Variants in ATXN7L1 observed in about 807,000 individuals in gnomAD.
The protein encoded by ATXN7L1 is ataxin 7 like 1.
In ATXN7L1, 15 loss-of-function variants were observed where a neutral mutation model predicts 70.8. That is an observed-to-expected ratio of 0.21 (90% CI 0.14 to 0.33). ATXN7L1 has a LOEUF of 0.33. Ranked by LOEUF, ATXN7L1 falls within the 10% of genes least tolerant of loss-of-function variation. ATXN7L1 has a pLI of 1.00. For missense variants in ATXN7L1, 975 were observed against 1,097.1 expected (o/e 0.89, Z 1.57); for synonymous variants, 440 against 445.1 (o/e 0.99, Z 0.14).
chr7:105,790,606 T>TTAAC (rs1805007627), intron 2 of ATXN7L1, among the ~76,000 whole-genome samples: 2 of 133,560 alleles, frequency 1.5e-5, no homozygotes, highest in African/African-American at 2.9e-5. Flanking sequence ...AAGAAAAAAA[T>TTAAC]TATCTATCTA....
At chr7:105,663,260 C>A (rs1244314340) in intron 4 of ATXN7L1, among the ~76,000 whole-genome samples, 1 of 152,208 alleles carries the variant, frequency 6.6e-6, no homozygotes, top group Admixed American at 6.5e-5. Context: ...GACCCGCAAT[C>A]CCAACAACCC....
At chr7:105,669,953 G>A (rs902706718) in intron 3 of ATXN7L1, among the ~76,000 whole-genome samples, 1 of 151,736 alleles carries the variant, frequency 6.6e-6, no homozygotes, top group Non-Finnish European at 1.5e-5. Flanking sequence ...AAAGTGGAGG[G>A]ACCAATAGAG....
At chr7:105,714,748 T>C (rs1794333310) in intron 3 of ATXN7L1, among the ~76,000 whole-genome samples, 1 of 152,176 alleles carries the variant, frequency 6.6e-6, no homozygotes, top group Non-Finnish European at 1.5e-5. Flanking sequence ...CTGCAATCTC[T>C]GCCTCCTGGA....
chr7:105,846,925 AAGTTGATTCGTAGTTGCC>A (rs1000098903), intron 2 of ATXN7L1, among the ~76,000 whole-genome samples: 9 of 152,300 alleles, frequency 5.9e-5, no homozygotes, highest in Admixed American at 5.2e-4. Flanking sequence ...TAGAGACAGA[AAGTTGATTCGTAGTTGCC>A]AGGGACTGAG....
chr7:105,611,246 C>T (rs1469678241), intron 10 of ATXN7L1, among the ~76,000 whole-genome samples: 1 of 152,236 alleles, frequency 6.6e-6, no homozygotes, highest in African/African-American at 2.4e-5. Context: ...GGGCCCGGTC[C>T]TTGGGGAAGC....
In ATXN7L1 at chr7:105,768,560, G is replaced by A. The variant is rs768430195; in HGVS notation, c.355+20044C>T. Among the ~76,000 whole-genome samples, 11 of 152,216 alleles carry A rather than the reference G, an allele frequency of 7.2e-5. No individual in the cohort carries two copies. In the East Asian group the frequency reaches 7.7e-4, roughly 11 times the overall value. The stretch of plus-strand genomic sequence containing the variant: ...TTAGCTTTCAGCCAAAACCCATCAC[G>A]AGTAGGTTTACATGCATGAAACATG... On this transcript the variant is annotated intron_variant, in intron 3 of 11. Coordinates refer to ENST00000419735, the MANE Select transcript of ATXN7L1 (RefSeq NM_020725.2).
intron 3 of ATXN7L1, among the ~76,000 whole-genome samples, chr7:105,735,179 T>C (rs1797244541): frequency 6.6e-6 from 1 of 152,216 alleles, no homozygotes; most frequent in Non-Finnish European, 1.5e-5. Flanking sequence ...ACCTGGGCTA[T>C]AATAACAACA....
intron 8 of ATXN7L1, among the ~76,000 whole-genome samples, chr7:105,621,836 C>T (rs1364823393): frequency 6.6e-6 from 1 of 152,214 alleles, no homozygotes; most frequent in Non-Finnish European, 1.5e-5. Context: ...GACTTTGGAA[C>T]AACAGTTCTC....
In ATXN7L1 at chr7:105,778,344, CAAAAAA is replaced by C. The variant is rs10639727; in HGVS notation, c.355+10254_355+10259del. On this transcript the variant is annotated intron_variant, in intron 3 of 11. Transcript: ENST00000419735. Reference sequence around the variant, plus strand: ...CAACATGGCGAAACCCGCATCTCTACAAAAAAAAAAAAAAAAATTAGCCAGACATGG... The same window carrying C: ...CAACATGGCGAAACCCGCATCTCTACAAAAAAAAAAATTAGCCAGACATGG... 3.8e-5 allele frequency among the ~76,000 whole-genome samples: 4 copies of C among 104,696 alleles called. No homozygotes were observed. In the East Asian group the frequency reaches 9.4e-4, roughly 25 times the overall value. 68.7% of individuals were successfully genotyped at this position (104,696 alleles called of 152,430 possible). A position where few individuals can be genotyped will look rare whatever the true frequency, so the allele number is the denominator to read the frequency against.
At chr7:105,634,911 C>T (rs909376638) in intron 7 of ATXN7L1, among the ~76,000 whole-genome samples, 1 of 150,816 alleles carries the variant, frequency 6.6e-6, no homozygotes, top group African/African-American at 2.4e-5. Flanking sequence ...GAGACTCTGT[C>T]TCTACAGGAA....
At chr7:105,870,949 T>G (rs113118311) in intron 2 of ATXN7L1, among the ~76,000 whole-genome samples, 3 of 152,216 alleles carry the variant, frequency 2.0e-5, no homozygotes, top group African/African-American at 7.2e-5. Flanking sequence ...CCAAATACCA[T>G]TCACAAATGA....
chr7:105,733,726 CCTT>C, intron 3 of ATXN7L1, among the ~76,000 whole-genome samples: 1 of 116,374 alleles, frequency 8.6e-6, no homozygotes. Context: ...ATCCATCCAT[CCTT>C]CCATCCATCC....
intron 4 of ATXN7L1, among the ~76,000 whole-genome samples, chr7:105,657,737 GA>G (rs1295420841): frequency 2.9e-5 from 3 of 103,136 alleles, no homozygotes; most frequent in Admixed American, 1.9e-4. Context: ...AAAAAGATAA[GA>G]AAAAAAGTGG....
intron 7 of ATXN7L1, among the ~76,000 whole-genome samples, chr7:105,632,452 A>G (rs1262928349): frequency 6.6e-6 from 1 of 152,202 alleles, no homozygotes; most frequent in Non-Finnish European, 1.5e-5. Context: ...AAAAAGAGGT[A>G]AGAGAGCTAA....
At chr7:105,874,674 A>G (rs757005238) in intron 2 of ATXN7L1, among the ~76,000 whole-genome samples, 17 of 152,224 alleles carry the variant, frequency 1.1e-4, no homozygotes, top group Non-Finnish European at 2.1e-4. Context: ...ATTTTTTCTG[A>G]AGCACAAAAT....
chr7:105,764,794 T>A lies in ATXN7L1; in HGVS notation c.355+23810A>T, dbSNP rs548588040. 8.0e-4 allele frequency among the ~76,000 whole-genome samples: 121 copies of A among 152,182 alleles called. 2 individuals are homozygous for A. In the South Asian group the frequency reaches 0.024, roughly 30 times the overall value. Reference sequence around the variant, plus strand: ...CAATGGACAGGAGGCACATCAAAATTTTTTTTTCCAGGAACGATCATACTC... The same window carrying A: ...CAATGGACAGGAGGCACATCAAAATATTTTTTTCCAGGAACGATCATACTC... On this transcript the variant is annotated intron_variant, in intron 3 of 11. Transcript: ENST00000419735.
At chr7:105,765,872 T>G (rs989508534) in intron 3 of ATXN7L1, among the ~76,000 whole-genome samples, 1 of 152,152 alleles carries the variant, frequency 6.6e-6, no homozygotes. Flanking sequence ...AAGATGCTTA[T>G]GGACTCACTG....
chr7:105,761,307 A>G lies in ATXN7L1; in HGVS notation c.355+27297T>C, dbSNP rs550525597. 4 of 1,604,944 alleles carry G rather than the reference A, an allele frequency of 2.5e-6. No individual in the cohort carries two copies. The Admixed American group carries it at 5.1e-5, about 21-fold the overall frequency. ...TCTGCTGGAGTCTCCTCTTCCAGGAAGCCGTCTCCAGACAATGCCAGTCCT... is the reference window on the plus strand; with the variant it reads ...TCTGCTGGAGTCTCCTCTTCCAGGAGGCCGTCTCCAGACAATGCCAGTCCT... On this transcript the variant is annotated intron_variant, in intron 3 of 11. Transcript: ENST00000419735.
chr7:105,636,567 C>T (rs926369832), intron 7 of ATXN7L1, among the ~76,000 whole-genome samples: 1 of 152,064 alleles, frequency 6.6e-6, no homozygotes, highest in African/African-American at 2.4e-5. Flanking sequence ...TGAACATTCC[C>T]CTGAAAATTA....
Sources: allele counts gnomAD v4.1 joint callset (sites outside exome capture counted in the v4.1 genomes callset), GRCh38; gene constraint gnomAD v4.1.1; transcripts MANE v1.5; gene names NCBI Gene and HGNC (gene_info 2026-07-23, HGNC 2026-07-21).